The following DLG5 variants were observed in gnomAD, a reference collection of about 807,000 sequenced individuals.
The protein encoded by DLG5 is disks large homolog 5.
A neutral mutation model predicts 189.8 loss-of-function variants in DLG5; 48 were observed. The observed-to-expected ratio is 0.25, with a 90% confidence interval of 0.20 to 0.32. The LOEUF is 0.32. DLG5 is among the 10% of genes least tolerant of loss of function. The pLI, the probability that DLG5 is intolerant of heterozygous loss-of-function variation, is 1.00. For synonymous variants in DLG5, 1,016 were observed against 1,054.1 expected (o/e 0.96, Z 0.70); for missense variants, 2,160 against 2,544.7 (o/e 0.85, Z 3.25).
upstream of DLG5, chr10:77,926,830 G>A (rs758491347): frequency 2.7e-3 from 492 of 181,254 alleles, 4 homozygotes; most frequent in African/African-American, 0.011. The surrounding 1 kb of genome is among the most constrained non-coding windows in gnomAD (Gnocchi z 5.2). Context: ...CGCGCCCCGA[G>A]GCCGGGCTCC....
At chr10:77,841,257 C>T (rs1843401146) in intron 7 of DLG5, among the ~76,000 whole-genome samples, 1 of 152,170 alleles carries the variant, frequency 6.6e-6, no homozygotes, top group East Asian at 1.9e-4. Context: ...AGAAAATCCA[C>T]ATTGGCCACC....
intron 17 of DLG5, 49 bp downstream of exon 17, chr10:77,819,272 C>A (rs1253396367): frequency 1.2e-6 from 2 of 1,612,530 alleles, no homozygotes; most frequent in Non-Finnish European, 1.7e-6. Context: ...CATGTCCAGG[C>A]AGGCTTGGGC....
intron 23 of DLG5, among the ~76,000 whole-genome samples, chr10:77,810,409 T>C (rs1603641184): frequency 1.3e-5 from 2 of 152,234 alleles, no homozygotes; most frequent in South Asian, 2.1e-4. Context: ...CAGGGCTTGG[T>C]GAAGGCCTCT....
intron 4 of DLG5, among the ~76,000 whole-genome samples, 183 bp from the exon 5 acceptor site, chr10:77,853,720 C>A (rs1011095148): frequency 6.6e-6 from 1 of 152,192 alleles, no homozygotes; most frequent in African/African-American, 2.4e-5. Context: ...ATTCCAGAAA[C>A]ATCCAAATCA....
At chr10:77,842,539 G>A (rs556648344) in intron 6 of DLG5, among the ~76,000 whole-genome samples, 2 of 152,172 alleles carry the variant, frequency 1.3e-5, no homozygotes, top group South Asian at 2.1e-4. Flanking sequence ...AGGCCTTAAC[G>A]ATCATTTAGT....
intron 1 of DLG5, among the ~76,000 whole-genome samples, chr10:77,904,311 A>G (rs1055814554): frequency 3.3e-5 from 5 of 151,708 alleles, no homozygotes; most frequent in Non-Finnish European, 7.4e-5. Flanking sequence ...AACTGTTCAT[A>G]GGCGGAAGGG....
rs779175990 is a variant in DLG5 at position 77,926,396 on chromosome 10, C to A, written c.125G>T (p.Arg42Leu). The A allele has an allele frequency of 3.1e-6, 5 of 1,589,388 alleles. No homozygotes were observed. The African/African-American group carries it at 6.7e-5, about 21-fold the overall frequency. The change falls in exon 1 of 32, where the codon CGG (arginine) becomes CTG (leucine). Residue 42 changes from arginine to leucine, a missense_variant. Transcript: ENST00000372391. The surrounding 1 kb of genome is among the most constrained non-coding windows in gnomAD (Gnocchi z 5.2). ...GCCTCCCGCCTCCTCGTCCAGCTGCCGCCGCTCGCCGGGACTGAGCGCTCC... is the reference window on the plus strand; with the variant it reads ...GCCTCCCGCCTCCTCGTCCAGCTGCAGCCGCTCGCCGGGACTGAGCGCTCC... ...AAGALSPGER[R>L]QLDEEAGGAK...
chr10:77,902,851 C>A (rs550575022), intron 1 of DLG5, among the ~76,000 whole-genome samples: 1 of 150,460 alleles, frequency 6.6e-6, no homozygotes, highest in African/African-American at 2.5e-5. Flanking sequence ...CAGAGCGAGA[C>A]TCCATCTCAA....
intron 13 of DLG5, among the ~76,000 whole-genome samples, chr10:77,825,633 G>A (rs904540857): frequency 2.0e-5 from 3 of 151,474 alleles, no homozygotes; most frequent in Non-Finnish European, 4.4e-5. Context: ...TCGGCTCGCT[G>A]CAACCTCCGC....
chr10:77,793,714 C>T, intron 31 of DLG5: 1 of 419,772 alleles, frequency 2.4e-6, no homozygotes, highest in Non-Finnish European at 4.3e-6. Context: ...ACTGTGGCTG[C>T]ACTAAACTGC....
At chr10:77,816,980 G>C (rs1480435518) in intron 19 of DLG5, 27 bp downstream of exon 19, 13 of 1,608,690 alleles carry the variant, frequency 8.1e-6, no homozygotes, top group Non-Finnish European at 1.1e-5. Flanking sequence ...AAAAGCAGGA[G>C]AGATGGGAAT....
At chr10:77,902,882 T>TAAAC (rs1845971043) in intron 1 of DLG5, among the ~76,000 whole-genome samples, 1 of 149,098 alleles carries the variant, frequency 6.7e-6, no homozygotes, top group African/African-American at 2.5e-5. Context: ...AAAAAATAAA[T>TAAAC]AAATAAATAA....
chr10:77,935,850 G>A, the DLG5 span, among the ~76,000 whole-genome samples: 4,336 of 152,124 alleles, frequency 0.029, 80 homozygotes, highest in East Asian at 0.12. Context: ...TCCCACATGG[G>A]AAATTGCACG....
In DLG5 at chr10:77,806,774, T is replaced by C; in HGVS notation, c.4951A>G (p.Ile1651Val). Residue 1651 changes from isoleucine (I) to valine (V), a missense_variant, in exon 26 of 32, where the codon ATT becomes GTT. Physicochemically the swap from Ile to Val is conservative, Grantham distance 29. Around this residue, in one of 5 missense-constraint regions of DLG5, gnomAD observed 574 missense variants for 644.2 expected, o/e 0.89. Transcript: ENST00000372391. ...AACACTTACACATATTTGCTGGGAATCTGCCCGCGCTGGATCTTCTGGGCA... is the reference window on the plus strand; with the variant it reads ...AACACTTACACATATTTGCTGGGAACCTGCCCGCGCTGGATCTTCTGGGCA... ...ENAQKIQRGQ[I>V]PSKYVMDQEF... 7.3e-7 allele frequency: 1 copy of C among 1,364,886 alleles called. No homozygotes were observed. The highest frequency in any genetic ancestry group is 9.8e-7 in the Non-Finnish European group (1 of 1,019,892). 84.5% of individuals were successfully genotyped at this position (1,364,886 alleles called of 1,614,324 possible). A position where few individuals can be genotyped will look rare whatever the true frequency, so the allele number is the denominator to read the frequency against.
At position 77,812,393 on chromosome 10, in the gene DLG5, A is replaced by G; in HGVS notation, c.4026-16T>C. On this transcript the variant is annotated splice_polypyrimidine_tract_variant and intron_variant, in intron 20 of 31. Transcript: ENST00000372391. ...CACATAAGGCCTAAGGAAAAGTCAA[A>G]AGTTTCGGGGACTCAGGGTCAAACA... is the stretch of plus-strand genomic sequence containing the variant. The G allele has an allele frequency of 6.3e-7, 1 of 1,599,938 alleles. No homozygotes were observed. Among genetic ancestry groups the G allele is most frequent in the Non-Finnish European group, 8.6e-7 (1 of 1,168,346 alleles).
chr10:77,802,528 C>T (rs973660969), intron 27 of DLG5, among the ~76,000 whole-genome samples: 17 of 152,136 alleles, frequency 1.1e-4, no homozygotes, highest in African/African-American at 3.9e-4. Context: ...AGGCAAAAAC[C>T]GATGAATAAT....
rs548247577 is a variant in DLG5 at position 77,840,861 on chromosome 10, G to A, written c.1437+1020C>T. 1.1e-4 allele frequency among the ~76,000 whole-genome samples: 16 copies of A among 152,252 alleles called. 2 individuals are homozygous for A. Among genetic ancestry groups the A allele is most frequent in the Non-Finnish European group, 1.2e-4 (8 of 68,030 alleles). On this transcript the variant is annotated intron_variant, in intron 7 of 31. Coordinates refer to ENST00000372391, the MANE Select transcript of DLG5 (RefSeq NM_004747.4). The stretch of plus-strand genomic sequence containing the variant: ...CCAGGCCTGACGAGGAGTTGCTGTC[G>A]GTTGAAAGACATGCTGGTCACCCCC...
rs776170157 is a variant in DLG5 at position 77,812,199 on chromosome 10, G to A, written c.4188+16C>T. 1.9e-6 allele frequency: 3 copies of A among 1,608,792 alleles called. No individual in the cohort carries two copies. The highest frequency in any genetic ancestry group is 4.5e-5 in the East Asian group (2 of 44,666). On this transcript the variant is annotated intron_variant, in intron 21 of 31. Coordinates refer to ENST00000372391, the MANE Select transcript of DLG5 (RefSeq NM_004747.4). Reference sequence around the variant, plus strand: ...GGTTTCCATGGGCGCCATGCAGGAGGGCAGCTCCCTCTCACCTCCAGTAAC... The same window carrying A: ...GGTTTCCATGGGCGCCATGCAGGAGAGCAGCTCCCTCTCACCTCCAGTAAC...
chr10:77,896,711 C>T (rs576688747), intron 1 of DLG5, among the ~76,000 whole-genome samples: 5 of 151,782 alleles, frequency 3.3e-5, no homozygotes, highest in East Asian at 1.9e-4. Flanking sequence ...GGCATGGTGA[C>T]GAGAGGCTGA....
Sources: allele counts gnomAD v4.1 joint callset (sites outside exome capture counted in the v4.1 genomes callset), GRCh38; gene constraint gnomAD v4.1.1; regional missense constraint gnomAD v4.1.1; non-coding constraint Gnocchi (gnomAD v3.1); transcripts MANE v1.5; gene names NCBI Gene and HGNC (gene_info 2026-07-23, HGNC 2026-07-21).